PPTC7: variants seen among roughly 807,000 people sequenced by gnomAD.
PPTC7 encodes the protein protein phosphatase targeting COQ7.
PPTC7 carries 6 observed loss-of-function variants against 30.8 expected under a neutral mutation model. The observed-to-expected ratio is 0.19, with a 90% CI of 0.11 to 0.38. PPTC7 has a LOEUF of 0.38. PPTC7 is among the 10% of genes least tolerant of loss of function. PPTC7 has a pLI of 1.00. For missense variants in PPTC7, 218 were observed against 404.8 expected (o/e 0.54, Z 3.96); for synonymous variants, 163 against 168.1 (o/e 0.97, Z 0.23).
At chr12:110,563,564 G>C (rs150233023) in intron 1 of PPTC7, among the ~76,000 whole-genome samples, 65 of 151,538 alleles carry the variant, frequency 4.3e-4, no homozygotes, top group African/African-American at 1.5e-3. Context: ...GTGGTGAGCC[G>C]AGACTGCGCC....
intron 1 of PPTC7, among the ~76,000 whole-genome samples, chr12:110,570,891 C>T (rs1435539231): frequency 5.3e-5 from 8 of 151,998 alleles, no homozygotes; most frequent in Admixed American, 4.6e-4. Context: ...GCTGGTTCCC[C>T]GGGTCCCCTT....
intron 4 of PPTC7, 126 bp downstream of exon 4, chr12:110,539,696 T>C (rs2064242264): frequency 4.5e-6 from 4 of 881,008 alleles, no homozygotes; most frequent in East Asian, 2.7e-5. Flanking sequence ...AGAGCTATTA[T>C]TATTTTCCTG....
chr12:110,563,190 A>C (rs2064453534), intron 1 of PPTC7, among the ~76,000 whole-genome samples: 1 of 152,016 alleles, frequency 6.6e-6, no homozygotes. Flanking sequence ...CATTAATCAC[A>C]ATGAAATCTG....
At chr12:110,582,128 C>A (rs936618338) in intron 1 of PPTC7, among the ~76,000 whole-genome samples, 1 of 152,180 alleles carries the variant, frequency 6.6e-6, no homozygotes, top group African/African-American at 2.4e-5. Flanking sequence ...GCTTTACCGG[C>A]TGCAATCTAC....
Position 110,539,806 on chromosome 12 carries a change from C to T in PPTC7, c.726+16G>A. The stretch of plus-strand genomic sequence containing the variant: ...GAGGGCCACTTTTCCCAAGAGCTAA[C>T]CTTTGAGTTAATTACCTTTAACTTT... On this transcript the variant is annotated intron_variant, in intron 4 of 5. Coordinates refer to ENST00000354300, the MANE Select transcript of PPTC7 (RefSeq NM_139283.2). 1 of 1,613,004 alleles carries T rather than the reference C, an allele frequency of 6.2e-7. No individual in the cohort carries two copies. Among genetic ancestry groups the T allele is most frequent in the Non-Finnish European group, 8.5e-7 (1 of 1,179,384 alleles).
chr12:110,548,384 C>T (rs1264805832), intron 2 of PPTC7, among the ~76,000 whole-genome samples: 1 of 152,138 alleles, frequency 6.6e-6, no homozygotes, highest in Non-Finnish European at 1.5e-5. Flanking sequence ...AATTCCATTT[C>T]CTTGTTATCT....
chr12:110,545,722 G>T lies in PPTC7; in HGVS notation c.602+158C>A, dbSNP rs183203633. ...AGCTAGATTATCTAGTTCCAGAAAAGTATCTTTCAAAGTTAAACTAAAAGG... is the reference window on the plus strand; with the variant it reads ...AGCTAGATTATCTAGTTCCAGAAAATTATCTTTCAAAGTTAAACTAAAAGG... On this transcript the variant is annotated intron_variant, in intron 3 of 5. Transcript: ENST00000354300. Among the ~76,000 whole-genome samples the T allele has an allele frequency of 6.8e-3, 1,042 of 152,226 alleles. 1 individual carries two copies. The highest frequency in any genetic ancestry group is 9.4e-3 in the Non-Finnish European group (636 of 68,004).
Position 110,545,885 on chromosome 12 carries a change from G to A in PPTC7, c.597C>T (p.Ser199=), listed in dbSNP as rs199629010. 306 of 1,613,034 alleles carry A rather than the reference G, an allele frequency of 1.9e-4. 1 individual carries two copies. Among genetic ancestry groups the A allele is most frequent in the Middle Eastern group, 9.3e-4 (5 of 5,370 alleles). The change falls in exon 3 of 6, where the codon AGC becomes AGT. Residue 199 remains serine, a synonymous_variant. Coordinates refer to ENST00000354300, the MANE Select transcript of PPTC7 (RefSeq NM_139283.2). Reference sequence around the variant, plus strand: ...TGGCTGAGAGGGGAGATTACCTGTCGCTCAAGACGACTCCCTCGGCTTCAG... The same window carrying A: ...TGGCTGAGAGGGGAGATTACCTGTCACTCAAGACGACTCCCTCGGCTTCAG... ...APPEAEGVVL[S]DSPDAADSTS... is the part of the protein sequence containing the mutation.
intron 3 of PPTC7, among the ~76,000 whole-genome samples, chr12:110,541,857 A>G (rs1330534623): frequency 1.3e-5 from 2 of 151,902 alleles, no homozygotes; most frequent in Non-Finnish European, 2.9e-5. Context: ...AAATATCTTG[A>G]TATCTTGACC....
intron 3 of PPTC7, among the ~76,000 whole-genome samples, chr12:110,545,424 A>T (rs980256311): frequency 1.3e-5 from 2 of 152,166 alleles, no homozygotes; most frequent in African/African-American, 4.8e-5. Flanking sequence ...ATTTCCTGCA[A>T]GTTCTATTTG....
At chr12:110,567,664 G>A (rs946820871) in intron 1 of PPTC7, among the ~76,000 whole-genome samples, 5 of 152,104 alleles carry the variant, frequency 3.3e-5, no homozygotes, top group African/African-American at 4.8e-5. Context: ...CAGTAGCTTC[G>A]TAACTGGTCT....
intron 3 of PPTC7, among the ~76,000 whole-genome samples, chr12:110,542,509 T>G (rs2064269137): frequency 6.6e-6 from 1 of 151,012 alleles, no homozygotes; most frequent in African/African-American, 2.4e-5. Flanking sequence ...CTGTCTCTAC[T>G]AAAAAATACA....
chr12:110,561,937 C>T (rs1264411646), intron 1 of PPTC7, among the ~76,000 whole-genome samples: 1 of 151,756 alleles, frequency 6.6e-6, no homozygotes, highest in East Asian at 1.9e-4. Context: ...GCAAGACCTG[C>T]CTCAAAAAAA....
chr12:110,537,314 C>G (rs11065661), intron 5 of PPTC7, among the ~76,000 whole-genome samples: 4,028 of 151,848 alleles, frequency 0.027, 84 homozygotes, highest in Admixed American at 0.052. Flanking sequence ...AAAAAAAAAT[C>G]TTCCCTGCTC....
At chr12:110,581,410 T>A (rs548288293) in intron 1 of PPTC7, among the ~76,000 whole-genome samples, 55 of 151,260 alleles carry the variant, frequency 3.6e-4, no homozygotes, top group African/African-American at 1.3e-3. Flanking sequence ...GTAGACTCCG[T>A]CTGAAAAAAA....
Position 110,567,237 on chromosome 12 carries a change from A to G in PPTC7, c.224-15269T>C, listed in dbSNP as rs373214060. Among the ~76,000 whole-genome samples the G allele has an allele frequency of 3.3e-5, 5 of 152,300 alleles. No homozygotes were observed. In the East Asian group the frequency reaches 9.6e-4, roughly 29 times the overall value. On this transcript the variant is annotated intron_variant, in intron 1 of 5. Coordinates refer to ENST00000354300, the MANE Select transcript of PPTC7 (RefSeq NM_139283.2). ...AATGATTCCCCACCCTTGCTGCACA[A>G]TGAGATTACCTATGGAACCCCAGCC... is the stretch of plus-strand genomic sequence containing the variant.
At chr12:110,569,262 G>A (rs749736106) in intron 1 of PPTC7, among the ~76,000 whole-genome samples, 16 of 151,822 alleles carry the variant, frequency 1.1e-4, no homozygotes, top group Non-Finnish European at 2.1e-4. Flanking sequence ...GAACCCAGGA[G>A]GCGGAGGTTG....
At chr12:110,544,725 T>G (rs2064291028) in intron 3 of PPTC7, among the ~76,000 whole-genome samples, 1 of 151,984 alleles carries the variant, frequency 6.6e-6, no homozygotes, top group African/African-American at 2.4e-5. Flanking sequence ...TCCCAGCTAC[T>G]TGGGAGGCTG....
intron 2 of PPTC7, among the ~76,000 whole-genome samples, chr12:110,550,389 C>T (rs1488596156): frequency 6.6e-6 from 1 of 152,008 alleles, no homozygotes; most frequent in Non-Finnish European, 1.5e-5. Context: ...CACCACCACA[C>T]CCGGCTAATT....
Sources: allele counts gnomAD v4.1 joint callset (sites outside exome capture counted in the v4.1 genomes callset), GRCh38; gene constraint gnomAD v4.1.1; transcripts MANE v1.5; gene names NCBI Gene and HGNC (gene_info 2026-07-23, HGNC 2026-07-21).